The following KLF17 variants were observed in gnomAD, a reference collection of about 807,000 sequenced individuals.
KLF17 encodes KLF transcription factor 17, also known as Krueppel-like factor 17.
KLF17 carries 31 observed loss-of-function variants against 34.2 expected under a neutral mutation model. The ratio of observed to expected loss-of-function variants is 0.91; its 90% CI spans 0.68 to 1.22. The LOEUF is 1.22. KLF17 is among the 50% of genes most tolerant of loss of function. The pLI, the probability that KLF17 is intolerant of heterozygous loss-of-function variation, is 0.00. For missense variants in KLF17, 478 were observed against 505.2 expected, an observed-to-expected ratio of 0.95 and a Z score of 0.52; for synonymous variants, 179 against 186.7, an observed-to-expected ratio of 0.96 and a Z score of 0.34.
the KLF17 span, chr1:44,103,978 G>A: frequency 4.7e-6 from 4 of 856,444 alleles, no homozygotes; most frequent in Non-Finnish European, 8.1e-6. Context: ...ATCTCGTACT[G>A]CGCCTTGACC....
At chr1:44,084,428 A>G in the KLF17 span, among the ~76,000 whole-genome samples, 1 of 152,156 alleles carries the variant, frequency 6.6e-6, no homozygotes, top group Non-Finnish European at 1.5e-5. Context: ...CTATAATCCC[A>G]GCACTTTGGG....
At chr1:44,102,575 CA>C in the KLF17 span, among the ~76,000 whole-genome samples, 1 of 67,886 alleles carries the variant, frequency 1.5e-5, no homozygotes, top group Non-Finnish European at 3.8e-5. Flanking sequence ...TACACACACA[CA>C]CACACACACA....
At chr1:44,059,181 TA>T in the KLF17 span, among the ~76,000 whole-genome samples, 1 of 152,196 alleles carries the variant, frequency 6.6e-6, no homozygotes, top group Non-Finnish European at 1.5e-5. Flanking sequence ...GCTGCCTATT[TA>T]AAAGAATCAA....
At position 44,129,845 on chromosome 1, in the gene KLF17, T is replaced by C; in HGVS notation, c.574T>C (p.Leu192=). ...GACAGTACCTTCTGACGAAACATTG[T>C]TGGGCCCGACTGTGCCTTCCACTGA... ...LSTVPSDETL[L]GPTVPSTEAQ... The change falls in exon 2 of 4, where the codon TTG becomes CTG. Residue 192 remains leucine, a synonymous_variant. Coordinates refer to ENST00000372299, the MANE Select transcript of KLF17 (RefSeq NM_173484.4). 6.2e-7 allele frequency: 1 copy of C among 1,614,228 alleles called. No individual in the cohort carries two copies.
At chr1:44,088,951 A>G in the KLF17 span, among the ~76,000 whole-genome samples, 2 of 152,166 alleles carry the variant, frequency 1.3e-5, no homozygotes, top group Non-Finnish European at 2.9e-5. Context: ...CTTAGTGGAT[A>G]AAAAGACCAC....
Position 44,129,963 on chromosome 1 carries a change from T to C in KLF17, c.692T>C (p.Leu231Pro). The change falls in exon 2 of 4, where the codon CTG becomes CCG. Residue 231 changes from leucine to proline, a missense_variant. By Grantham distance (98) the Leu-to-Pro change is moderately conservative (BLOSUM62 -3). Coordinates refer to ENST00000372299, the MANE Select transcript of KLF17 (RefSeq NM_173484.4). ...CCCCCAGCTGAGTCCCAGTCATTGC[T>C]GGTTTTAGGATCTCAGGACTCTCTT... The part of the protein sequence containing the change: ...GMPPAESQSL[L>P]VLGSQDSLVS... The C allele has an allele frequency of 6.2e-7, 1 of 1,614,198 alleles. No homozygotes were observed. Among genetic ancestry groups the C allele is most frequent in the Non-Finnish European group, 8.5e-7 (1 of 1,180,034 alleles).
chr1:44,099,599 AG>A, the KLF17 span, among the ~76,000 whole-genome samples: 1 of 151,468 alleles, frequency 6.6e-6, no homozygotes, highest in Non-Finnish European at 1.5e-5. Context: ...AGGATTCAGG[AG>A]GTCAGGAGTT....
At chr1:44,123,159 C>T (rs1265200167) in intron 1 of KLF17, among the ~76,000 whole-genome samples, 4 of 152,050 alleles carry the variant, frequency 2.6e-5, no homozygotes, top group South Asian at 2.1e-4. Flanking sequence ...CATGATTGAT[C>T]GCACCATTCA....
the KLF17 span, chr1:44,075,058 G>C: frequency 6.6e-6 from 1 of 152,140 alleles, no homozygotes; most frequent in Admixed American, 6.6e-5. Context: ...TTGAGAGGCT[G>C]AGGCAGGCAG....
chr1:44,124,563 C>T (rs149311665), intron 1 of KLF17, among the ~76,000 whole-genome samples: 2,971 of 148,252 alleles, frequency 0.02, 100 homozygotes, highest in African/African-American at 0.071. Context: ...GGCACGATCT[C>T]GGCTCACTGC....
upstream of KLF17, chr1:44,117,436 A>ATTTATTTTATTTTATTTTAT (rs143866219): frequency 8.9e-5 from 13 of 145,352 alleles, no homozygotes; most frequent in African/African-American, 3.0e-4. Flanking sequence ...CTCCTTTTTT[A>ATTTATTTTATTTTATTTTAT]TTTATTTTAT....
the KLF17 span, among the ~76,000 whole-genome samples, chr1:44,052,790 C>A: frequency 2.0e-5 from 3 of 151,906 alleles, no homozygotes; most frequent in Non-Finnish European, 2.9e-5. Context: ...GTCTTTTAGG[C>A]AATTGGAGTA....
chr1:44,109,566 A>AT, the KLF17 span, among the ~76,000 whole-genome samples: 864 of 152,062 alleles, frequency 5.7e-3, 11 homozygotes, highest in African/African-American at 0.02. Context: ...AGTTTATTTT[A>AT]TTTTTTTTAA....
At chr1:44,133,216 A>C (rs1440287089) in intron 3 of KLF17, 22 bp from the exon 4 acceptor site, 14 of 152,308 alleles carry the variant, frequency 9.2e-5, no homozygotes, top group African/African-American at 2.6e-4. Context: ...TAATCCCTCA[A>C]ATTTTGAAAT....
the KLF17 span, among the ~76,000 whole-genome samples, chr1:44,090,927 TGCACACGCACACACACACACACAC>T: frequency 4.8e-5 from 5 of 103,954 alleles, no homozygotes; most frequent in African/African-American, 1.4e-4. Context: ...CACACACACA[TGCACACGCACACACACACACACAC>T]GCACGCATGC....
the KLF17 span, among the ~76,000 whole-genome samples, chr1:44,099,906 AAAGAAAG>A: frequency 5.8e-4 from 37 of 63,710 alleles, no homozygotes; most frequent in African/African-American, 1.8e-3. Context: ...AGAAAGAAAG[AAAGAAAG>A]AAAGAAAAGA....
chr1:44,088,839 G>A, the KLF17 span, among the ~76,000 whole-genome samples: 6 of 152,000 alleles, frequency 3.9e-5, no homozygotes, highest in Non-Finnish European at 8.8e-5. Flanking sequence ...AAAATAGGAG[G>A]AGCTGATTGG....
the KLF17 span, among the ~76,000 whole-genome samples, chr1:44,094,807 G>A: frequency 2.6e-5 from 4 of 151,908 alleles, no homozygotes; most frequent in African/African-American, 9.7e-5. Flanking sequence ...TTTTGCTCAG[G>A]ATGGCTTTTA....
the KLF17 span, among the ~76,000 whole-genome samples, chr1:44,068,650 G>C: frequency 6.6e-6 from 1 of 152,180 alleles, no homozygotes; most frequent in Non-Finnish European, 1.5e-5. Flanking sequence ...GAACATTCTG[G>C]CCTCACAGGA....
Sources: allele counts gnomAD v4.1 joint callset (sites outside exome capture counted in the v4.1 genomes callset), GRCh38; gene constraint gnomAD v4.1.1; transcripts MANE v1.5; gene names NCBI Gene and HGNC (gene_info 2026-07-23, HGNC 2026-07-21).